IL16: variants seen among roughly 807,000 people sequenced by gnomAD.
IL16 encodes the protein interleukin 16.
A neutral mutation model predicts 110.1 loss-of-function variants in IL16; 67 were observed. That is an observed-to-expected ratio of 0.61 (90% confidence interval 0.50 to 0.75). IL16 has a LOEUF of 0.75. Among genes scored for constraint, IL16 ranks in the 30% least tolerant of loss-of-function variants. The pLI is 0.00. For synonymous variants in IL16, 689 were observed against 662.9 expected, an observed-to-expected ratio of 1.04 and a Z score of -0.61; for missense variants, 1,545 against 1,655.0, an observed-to-expected ratio of 0.93 and a Z score of 1.15.
chr15:81,191,481 C>T (rs1895496335), intron 1 of IL16, among the ~76,000 whole-genome samples: 2 of 152,152 alleles, frequency 1.3e-5, no homozygotes, highest in Admixed American at 6.5e-5. Context: ...TGTTTATCAA[C>T]CCTTTATGGG....
At chr15:81,230,448 A>G (rs573869229) in intron 2 of IL16, among the ~76,000 whole-genome samples, 1 of 152,282 alleles carries the variant, frequency 6.6e-6, no homozygotes, top group South Asian at 2.1e-4. Context: ...TTCTTCAGAC[A>G]TTGGCAGGGA....
rs919110688 is a variant in IL16 at position 81,186,809 on chromosome 15, C to CT, written c.40+3922dup. 1.7e-4 allele frequency among the ~76,000 whole-genome samples: 26 copies of CT among 151,340 alleles called. 1 individual carries two copies. Among genetic ancestry groups the CT allele is most frequent in the African/African-American group, 5.1e-4 (21 of 41,174 alleles). On this transcript the variant is annotated intron_variant, in intron 1 of 18. Coordinates refer to the IL16 transcript ENST00000302987. ...TCCCTCTGTCCATCCATGCATCCATCTTTTTTTTTCATTTTTTTCTTTTTT... is the reference window on the plus strand; with the variant it reads ...TCCCTCTGTCCATCCATGCATCCATCTTTTTTTTTTCATTTTTTTCTTTTTT...
intron 2 of IL16, among the ~76,000 whole-genome samples, chr15:81,233,645 G>A (rs1897088839): frequency 6.6e-6 from 1 of 151,822 alleles, no homozygotes; most frequent in African/African-American, 2.4e-5. Context: ...ATATATGTCT[G>A]TGTATGTGTA....
Position 81,265,782 on chromosome 15 carries a change from G to A in IL16, c.545G>A (p.Cys182Tyr). Residue 182 changes from cysteine to tyrosine, a missense_variant, in exon 4 of 19, where the codon TGT (cysteine) becomes TAT (tyrosine). Coordinates refer to ENST00000683961, the MANE Select transcript of IL16 (RefSeq NM_172217.5). ...NRKSLSQQLDCPAGKAAGTSR... is the reference protein window; with the variant it reads ...NRKSLSQQLDYPAGKAAGTSR... ...AAGTCCCTCTCTCAACAATTGGACTGTCCAGCAGGAAAGGCTGCGGTAAGA... is the reference window on the plus strand; with the variant it reads ...AAGTCCCTCTCTCAACAATTGGACTATCCAGCAGGAAAGGCTGCGGTAAGA... 2 of 1,612,866 alleles carry A rather than the reference G, an allele frequency of 1.2e-6. No individual in the cohort carries two copies. Among genetic ancestry groups the A allele is most frequent in the Non-Finnish European group, 1.7e-6 (2 of 1,179,390 alleles).
At chr15:81,238,249 T>C (rs1437291757) in intron 2 of IL16, among the ~76,000 whole-genome samples, 1 of 152,228 alleles carries the variant, frequency 6.6e-6, no homozygotes, top group Non-Finnish European at 1.5e-5. Flanking sequence ...ATATTTAAAG[T>C]AATAACTTGT....
At chr15:81,214,332 TA>T (rs1406643185) in intron 1 of IL16, among the ~76,000 whole-genome samples, 1 of 152,216 alleles carries the variant, frequency 6.6e-6, no homozygotes, top group Admixed American at 6.5e-5. Context: ...ACAAATTCAT[TA>T]AGCATTTGCT....
intron 2 of IL16, among the ~76,000 whole-genome samples, chr15:81,238,184 G>A (rs1595981329): frequency 1.3e-5 from 2 of 152,200 alleles, no homozygotes; most frequent in African/African-American, 4.8e-5. Context: ...TTACAGGCGT[G>A]AGCCACTGCG....
intron 2 of IL16, among the ~76,000 whole-genome samples, chr15:81,236,014 G>A (rs1762774402): frequency 6.6e-6 from 1 of 152,192 alleles, no homozygotes; most frequent in South Asian, 2.1e-4. Flanking sequence ...CTAAAAAGAT[G>A]TGAAATGCTT....
intron 2 of IL16, among the ~76,000 whole-genome samples, chr15:81,226,791 G>A (rs776702966): frequency 6.6e-6 from 1 of 152,118 alleles, no homozygotes; most frequent in Non-Finnish European, 1.5e-5. Context: ...AGTGGGTTTG[G>A]GGGAGGCTCG....
intron 2 of IL16, among the ~76,000 whole-genome samples, chr15:81,243,649 G>C (rs1897429669): frequency 6.6e-6 from 1 of 152,068 alleles, no homozygotes; most frequent in African/African-American, 2.4e-5. Context: ...TTCTTTAAAT[G>C]TTTGATAGAA....
Position 81,305,995 on chromosome 15 carries a change from C to T in IL16, c.3508C>T (p.Leu1170Phe), listed in dbSNP as rs1381056360. ...NEVLSINGKSLKGTTHHDALA... is the reference protein window; with the variant it reads ...NEVLSINGKSFKGTTHHDALA... ...GGTTCTTTCCATCAACGGCAAGTCT[C>T]TCAAGGGGACCACGCACCATGATGC... The change falls in exon 17 of 19, where the codon CTC becomes TTC. Residue 1170 changes from leucine (L) to phenylalanine (F), a missense_variant. Around this residue, in one of 3 missense-constraint regions of IL16, gnomAD observed 356 missense variants for 399.3 expected, o/e 0.89. Coordinates refer to ENST00000683961, the MANE Select transcript of IL16 (RefSeq NM_172217.5). The T allele has an allele frequency of 6.2e-7, 1 of 1,614,204 alleles. No individual in the cohort carries two copies. The highest frequency in any genetic ancestry group is 8.5e-7 in the Non-Finnish European group (1 of 1,180,038).
chr15:81,237,205 C>T (rs542466567), intron 2 of IL16, among the ~76,000 whole-genome samples: 11 of 152,246 alleles, frequency 7.2e-5, no homozygotes, highest in African/African-American at 1.4e-4. Context: ...GTGGAGCATC[C>T]GCCATAAATC....
Position 81,312,989 on chromosome 15 carries a change from C to G in IL16, c.*4191C>G, listed in dbSNP as rs998315078. On this transcript the variant is annotated 3_prime_UTR_variant, in exon 19 of 19. Coordinates refer to ENST00000683961, the MANE Select transcript of IL16 (RefSeq NM_172217.5). ...CTGTCAGATGGTTAGAGGCCTGGGT[C>G]TACCCTGCCAGGAGAGGCGTGTTTG... The G allele has an allele frequency of 4.0e-6, 1 of 248,248 alleles. No individual in the cohort carries two copies. Among genetic ancestry groups the G allele is most frequent in the African/African-American group, 2.3e-5 (1 of 44,174 alleles). 15.4% of individuals were successfully genotyped at this position (248,248 alleles called of 1,614,324 possible).
intron 1 of IL16, among the ~76,000 whole-genome samples, chr15:81,223,972 A>G (rs572928187): frequency 6.4e-4 from 97 of 152,374 alleles, no homozygotes; most frequent in African/African-American, 2.3e-3. Context: ...AAAATGGATC[A>G]AAACCGAATT....
chr15:81,255,525 G>T (rs1386611556), intron 2 of IL16, among the ~76,000 whole-genome samples: 2 of 152,208 alleles, frequency 1.3e-5, no homozygotes, highest in Non-Finnish European at 2.9e-5. Flanking sequence ...GAAGGAGAAG[G>T]ACTCATCTGC....
intron 2 of IL16, among the ~76,000 whole-genome samples, chr15:81,246,660 A>G (rs1048767384): frequency 6.6e-6 from 1 of 151,608 alleles, no homozygotes; most frequent in Non-Finnish European, 1.5e-5. Context: ...ACTGATATCA[A>G]TGTTTTCTTT....
chr15:81,218,360 G>A (rs969329525), intron 1 of IL16, among the ~76,000 whole-genome samples: 2 of 152,160 alleles, frequency 1.3e-5, no homozygotes, highest in South Asian at 2.1e-4. Flanking sequence ...AAATTTGAAC[G>A]AATATAGAAA....
At position 81,265,796 on chromosome 15, in the gene IL16, G is replaced by A; in HGVS notation, c.559G>A (p.Ala187Thr). 6.2e-7 allele frequency: 1 copy of A among 1,611,242 alleles called. No individual in the cohort carries two copies. Among genetic ancestry groups the A allele is most frequent in the South Asian group, 1.1e-5 (1 of 90,438 alleles). Residue 187 changes from alanine to threonine, a missense_variant, in exon 4 of 19, where the codon GCT becomes ACT. Ala to Thr is a moderately conservative substitution (Grantham distance 58). Coordinates refer to ENST00000683961, the MANE Select transcript of IL16 (RefSeq NM_172217.5). The stretch of plus-strand genomic sequence containing the variant: ...ACAATTGGACTGTCCAGCAGGAAAG[G>A]CTGCGGTAAGAATGGAAGGAGGGAA... ...SQQLDCPAGK[A>T]AGTSRPTRSL...
chr15:81,273,044 G>A, intron 5 of IL16, 46 bp from the exon 6 acceptor site: 2 of 1,480,520 alleles, frequency 1.4e-6, no homozygotes, highest in Non-Finnish European at 1.9e-6. Flanking sequence ...CCAATGAGAA[G>A]CATGGAATAC....
Sources: gnomAD v4.1 joint callset for allele counts (sites outside exome capture counted in the v4.1 genomes callset) on GRCh38, gnomAD v4.1.1 for gene constraint, gnomAD v4.1.1 regional missense constraint, MANE v1.5 for transcripts, NCBI Gene and HGNC (gene_info 2026-07-23, HGNC 2026-07-21) for gene names.